Variants in PTGS2 observed in about 807,000 individuals in gnomAD.
The protein encoded by PTGS2 is prostaglandin G/H synthase 2.
A neutral mutation model predicts 63.8 loss-of-function variants in PTGS2; 14 were observed. That is an observed-to-expected ratio of 0.22 (90% CI 0.14 to 0.34). The LOEUF is 0.34. Ranked by LOEUF, PTGS2 falls within the 10% of genes least tolerant of loss-of-function variation. PTGS2 has a pLI of 1.00. For missense variants in PTGS2, 533 were observed against 738.5 expected (o/e 0.72, Z 3.23); for synonymous variants, 271 against 259.5 (o/e 1.04, Z -0.43).
In PTGS2 at chr1:186,679,422, G is replaced by A. The variant is rs776392084; in HGVS notation, c.69C>T (p.Ser23=). ...ALSHTANPCC[S]HPCQNRGVCM... is the part of the protein sequence containing the mutation. The stretch of plus-strand genomic sequence containing the variant: ...ATACACCTCGGTTTTGACATGGGTG[G>A]GAACAGCAAGGATTTGCTGCAATTA... Residue 23 remains serine (S), a synonymous_variant, in exon 2 of 10, where the codon TCC becomes TCT. Coordinates refer to ENST00000367468, the MANE Select transcript of PTGS2 (RefSeq NM_000963.4). 2 of 1,613,684 alleles carry A rather than the reference G, an allele frequency of 1.2e-6. No homozygotes were observed. The highest frequency in any genetic ancestry group is 3.3e-5 in the Admixed American group (2 of 60,004).
chr1:186,676,045 G>A lies in PTGS2; in HGVS notation c.1110C>T (p.Leu370=). 1.2e-6 allele frequency: 2 copies of A among 1,614,122 alleles called. No individual in the cohort carries two copies. Among genetic ancestry groups the A allele is most frequent in the Non-Finnish European group, 1.7e-6 (2 of 1,180,026 alleles). Residue 370 remains leucine, a synonymous_variant, in exon 8 of 10, where the codon CTC becomes CTT. Coordinates refer to ENST00000367468, the MANE Select transcript of PTGS2 (RefSeq NM_000963.4). ...QNRIAAEFNT[L]YHWHPLLPDT... Reference sequence around the variant, plus strand: ...CAGGCAGAAGGGGATGCCAGTGATAGAGGGTGTTAAATTCAGCAGCAATAC... The same window carrying A: ...CAGGCAGAAGGGGATGCCAGTGATAAAGGGTGTTAAATTCAGCAGCAATAC...
In PTGS2 at chr1:186,674,736, C is replaced by T. The variant is rs141702884; in HGVS notation, c.1432G>A (p.Glu478Lys). The T allele has an allele frequency of 4.3e-6, 7 of 1,612,344 alleles. No homozygotes were observed. In the African/African-American group the frequency reaches 9.4e-5, roughly 22 times the overall value. Residue 478 changes from glutamate (E) to lysine (K), a missense_variant, in exon 10 of 10, where the codon GAA becomes AAA. Glu to Lys is a moderately conservative substitution (Grantham distance 56). Around this residue, in one of 5 missense-constraint regions of PTGS2, gnomAD observed 219 missense variants for 267.4 expected, o/e 0.82. Transcript: ENST00000367468. ...TGEKEMSAELEALYGDIDAVE... is the reference protein window; with the variant it reads ...TGEKEMSAELKALYGDIDAVE... Reference sequence around the variant, plus strand: ...GCATCGATGTCACCATAGAGTGCTTCCAACTCTGCAGACATTTCCTTTTCT... The same window carrying T: ...GCATCGATGTCACCATAGAGTGCTTTCAACTCTGCAGACATTTCCTTTTCT...
chr1:186,679,244 C>T (rs1665833405), intron 2 of PTGS2, 43 bp from the exon 3 acceptor site: 3 of 1,612,468 alleles, frequency 1.9e-6, no homozygotes, highest in Non-Finnish European at 2.5e-6. Context: ...TAATGGGACT[C>T]ATTATAAGAC....
At chr1:186,677,502 C>T (rs1665801963) in intron 5 of PTGS2, 147 bp downstream of exon 5, 1 of 784,826 alleles carries the variant, frequency 1.3e-6, no homozygotes, top group South Asian at 3.0e-5. Flanking sequence ...ATGGAAAATT[C>T]CTTTAAGGTT....
chr1:186,676,879 C>T lies in PTGS2; in HGVS notation c.677G>A (p.Arg226Lys). ...LNHIYGETLARQRKLRLFKDG... is the reference protein window; with the variant it reads ...LNHIYGETLAKQRKLRLFKDG... ...CTTGAAAAGGCGCAGTTTACGCTGT[C>T]TAGCCAGAGTTTCACCGTAAATATG... Residue 226 changes from arginine to lysine, a missense_variant, in exon 6 of 10, where the codon AGA becomes AAA. This residue lies in a region of PTGS2 where 118 missense variants were observed against 138.7 expected (regional missense o/e 0.85). Transcript: ENST00000367468. 3.7e-6 allele frequency: 6 copies of T among 1,609,072 alleles called. No homozygotes were observed. Among genetic ancestry groups the T allele is most frequent in the Non-Finnish European group, 4.2e-6 (5 of 1,178,326 alleles).
rs758747837 is a variant in PTGS2 at position 186,675,961 on chromosome 1, A to G, written c.1194T>C (p.Ser398=). 14 of 1,614,060 alleles carry G rather than the reference A, an allele frequency of 8.7e-6. No individual in the cohort carries two copies. The South Asian group carries it at 1.1e-4, about 13-fold the overall frequency. The part of the protein sequence containing the change: ...YNYQQFIYNN[S]ILLEHGITQF... ...GGGTAATTCCATGTTCCAGCAATAT[A>G]GAGTTGTTGTAGATAAACTGTTGAT... Residue 398 remains serine, a synonymous_variant, in exon 8 of 10, where the codon TCT becomes TCC. Transcript: ENST00000367468.
chr1:186,678,382 A>T lies in PTGS2; in HGVS notation c.336T>A (p.Ser112Arg). ...VLTSRSHLID[S>R]PPTYNADYGY... ...CATAGTCAGCATTGTAAGTTGGTGG[A>T]CTGTCAATCAAATGTGATCTGGCTG... Residue 112 changes from serine to arginine, a missense_variant, in exon 4 of 10, where the codon AGT becomes AGA. Around this residue, in one of 5 missense-constraint regions of PTGS2, gnomAD observed 118 missense variants for 144.6 expected, o/e 0.82. Coordinates refer to ENST00000367468, the MANE Select transcript of PTGS2 (RefSeq NM_000963.4). 6.2e-7 allele frequency: 1 copy of T among 1,607,052 alleles called. No individual in the cohort carries two copies. The highest frequency in any genetic ancestry group is 8.5e-7 in the Non-Finnish European group (1 of 1,176,690).
At position 186,674,520 on chromosome 1, in the gene PTGS2, T is replaced by C; in HGVS notation, c.1648A>G (p.Ile550Val). ...ACGTTATTGCAGATGAGAGACTGAA[T>C]TGAGGCAGTGTTGATGATTTGAAAA... ...VGFQIINTAS[I>V]QSLICNNVKG... Residue 550 changes from isoleucine to valine, a missense_variant, in exon 10 of 10, where the codon ATT becomes GTT. Physicochemically the swap from Ile to Val is conservative, Grantham distance 29. Around this residue, in one of 5 missense-constraint regions of PTGS2, gnomAD observed 219 missense variants for 267.4 expected, o/e 0.82. Coordinates refer to ENST00000367468, the MANE Select transcript of PTGS2 (RefSeq NM_000963.4). The C allele has an allele frequency of 6.2e-7, 1 of 1,614,148 alleles. No individual in the cohort carries two copies. Among genetic ancestry groups the C allele is most frequent in the South Asian group, 1.1e-5 (1 of 91,078 alleles).
intron 9 of PTGS2, among the ~76,000 whole-genome samples, 173 bp downstream of exon 9, chr1:186,675,076 T>C (rs4648284): frequency 0.017 from 2,518 of 152,224 alleles, 40 homozygotes; most frequent in South Asian, 0.025. Context: ...ACTCAGGAAG[T>C]TGAGGCAGGA....
Position 186,675,162 on chromosome 1 carries a change from G to A in PTGS2, c.1405+87C>T, listed in dbSNP as rs1665758124. ...ACTGCACTCCAGCCTGGGTGACAGA[G>A]GGCGGCTCCATCTCGAAAAGAAAAC... is the stretch of plus-strand genomic sequence containing the variant. On this transcript the variant is annotated intron_variant, in intron 9 of 9. Coordinates refer to ENST00000367468, the MANE Select transcript of PTGS2 (RefSeq NM_000963.4). 2.6e-6 allele frequency: 4 copies of A among 1,533,170 alleles called. No homozygotes were observed. The Admixed American group carries it at 7.5e-5, about 29-fold the overall frequency. The allele number at this position is 1,533,170 out of a possible 1,614,324, so 95.0% of individuals were successfully genotyped here. A position where few individuals can be genotyped will look rare whatever the true frequency, so the allele number is the denominator to read the frequency against.
At position 186,678,276 on chromosome 1, in the gene PTGS2, G is replaced by T; in HGVS notation, c.442C>A (p.Pro148Thr). Reference protein sequence around the residue: ...LPPVPDDCPTPLGVKGKKQLP... With the variant: ...LPPVPDDCPTTLGVKGKKQLP... Reference sequence around the variant, plus strand: ...TCTTACTCACCTTTGACACCCAAGGGAGTCGGGCAATCATCAGGCACAGGA... The same window carrying T: ...TCTTACTCACCTTTGACACCCAAGGTAGTCGGGCAATCATCAGGCACAGGA... The change falls in exon 4 of 10, where the codon CCC becomes ACC. Residue 148 changes from proline (P) to threonine (T), a missense_variant. Coordinates refer to ENST00000367468, the MANE Select transcript of PTGS2 (RefSeq NM_000963.4). 1 of 1,610,160 alleles carries T rather than the reference G, an allele frequency of 6.2e-7. No homozygotes were observed. The highest frequency in any genetic ancestry group is 8.5e-7 in the Non-Finnish European group (1 of 1,178,098).
rs928049858 is a variant in PTGS2, at chr1:186,674,919, C to T, written c.1406-157G>A. On this transcript the variant is annotated intron_variant, in intron 9 of 9. Coordinates refer to ENST00000367468, the MANE Select transcript of PTGS2 (RefSeq NM_000963.4). Reference sequence around the variant, plus strand: ...AGGGGCCAGGCGCGGTGGCTCACGCCTGTAATCCCAGCACTTCGGGAGGCC... The same window carrying T: ...AGGGGCCAGGCGCGGTGGCTCACGCTTGTAATCCCAGCACTTCGGGAGGCC... 2.0e-5 allele frequency among the ~76,000 whole-genome samples: 3 copies of T among 152,258 alleles called. No homozygotes were observed. In the South Asian group the frequency reaches 6.2e-4, roughly 32 times the overall value.
In PTGS2 at chr1:186,675,891, T is replaced by C. The variant is rs759688869; in HGVS notation, c.1257+7A>G. On this transcript the variant is annotated splice_region_variant and intron_variant, in intron 8 of 9. Coordinates refer to ENST00000367468, the MANE Select transcript of PTGS2 (RefSeq NM_000963.4). Reference sequence around the variant, plus strand: ...CTTTTGTTTTGGTTTTCAATAATAATGCTTACCCTGCCAGCAATTTGCCTG... The same window carrying C: ...CTTTTGTTTTGGTTTTCAATAATAACGCTTACCCTGCCAGCAATTTGCCTG... The C allele has an allele frequency of 6.2e-7, 1 of 1,607,372 alleles. No homozygotes were observed. Among genetic ancestry groups the C allele is most frequent in the Non-Finnish European group, 8.5e-7 (1 of 1,175,232 alleles).
rs749124679 is a variant in PTGS2, at chr1:186,676,819, C to T, written c.723+14G>A. Reference sequence around the variant, plus strand: ...GCGGTAATAACTAAGTCTTAATAGTCAAAGGAAGCATACCTGATATTTCAT... The same window carrying T: ...GCGGTAATAACTAAGTCTTAATAGTTAAAGGAAGCATACCTGATATTTCAT... On this transcript the variant is annotated intron_variant, in intron 6 of 9. Coordinates refer to ENST00000367468, the MANE Select transcript of PTGS2 (RefSeq NM_000963.4). 7 of 1,608,330 alleles carry T rather than the reference C, an allele frequency of 4.4e-6. No homozygotes were observed. The East Asian group carries it at 6.7e-5, about 15-fold the overall frequency.
At position 186,677,651 on chromosome 1, in the gene PTGS2, C is replaced by T; in HGVS notation, c.637G>A (p.Gly213Arg). ...GPAFTNGLGH[G>R]VDLNHIYGET... ...CTAAGATATTAACTCTATCTTACCC[C>T]ATGGCCCAGCCCGTTGGTGAAAGCT... The change falls in exon 5 of 10, where the codon GGG becomes AGG. Residue 213 changes from glycine (G) to arginine (R), a missense_variant and splice_region_variant. Coordinates refer to ENST00000367468, the MANE Select transcript of PTGS2 (RefSeq NM_000963.4). 1 of 1,607,062 alleles carries T rather than the reference C, an allele frequency of 6.2e-7. No homozygotes were observed. Among genetic ancestry groups the T allele is most frequent in the Non-Finnish European group, 8.5e-7 (1 of 1,177,488 alleles).
rs1228524516 is a variant in PTGS2, at chr1:186,679,414, C to T, written c.77G>A (p.Cys26Tyr). 6.2e-7 allele frequency: 1 copy of T among 1,614,114 alleles called. No individual in the cohort carries two copies. The highest frequency in any genetic ancestry group is 8.5e-7 in the Non-Finnish European group (1 of 1,179,988). Residue 26 changes from cysteine to tyrosine, a missense_variant, in exon 2 of 10, where the codon TGT becomes TAT. Coordinates refer to ENST00000367468, the MANE Select transcript of PTGS2 (RefSeq NM_000963.4). ...HTANPCCSHP[C>Y]QNRGVCMSVG... is the part of the protein sequence containing the mutation. ...ACTCATACATACACCTCGGTTTTGA[C>T]ATGGGTGGGAACAGCAAGGATTTGC...
At chr1:186,680,049 G>A (rs1184908675) in intron 1 of PTGS2, among the ~76,000 whole-genome samples, 190 bp downstream of exon 1, 2 of 152,228 alleles carry the variant, frequency 1.3e-5, no homozygotes, top group Admixed American at 6.5e-5. Flanking sequence ...ATAATGATCA[G>A]TGCTTGTGGG....
At chr1:186,676,390 T>C in intron 7 of PTGS2, 77 bp downstream of exon 7, 1 of 1,544,770 alleles carries the variant, frequency 6.5e-7, no homozygotes, top group Non-Finnish European at 8.8e-7. Context: ...TCTTGTCATT[T>C]ACTCAAAACA....
At chr1:186,677,521 T>G in intron 5 of PTGS2, 128 bp downstream of exon 5, 1 of 1,013,230 alleles carries the variant, frequency 9.9e-7, no homozygotes, top group Non-Finnish European at 1.4e-6. Context: ...TTTTTATAGA[T>G]AAGACTTCTT....
Sources: allele counts gnomAD v4.1 joint callset (sites outside exome capture counted in the v4.1 genomes callset), GRCh38; gene constraint gnomAD v4.1.1; regional missense constraint gnomAD v4.1.1; transcripts MANE v1.5; gene names NCBI Gene and HGNC (gene_info 2026-07-23, HGNC 2026-07-21).